ATP11C: variants seen among roughly 807,000 people sequenced by gnomAD.
The protein encoded by ATP11C is ATPase phospholipid transporting 11C (ATP11C blood group).
In ATP11C, 36 loss-of-function variants were observed where a neutral mutation model predicts 97.4. The observed-to-expected ratio is 0.37, with a 90% CI of 0.28 to 0.49. The LOEUF is 0.49. Among genes scored for constraint, ATP11C ranks in the 20% least tolerant of loss-of-function variants. The pLI, the probability that ATP11C is intolerant of heterozygous loss-of-function variation, is 0.98. For synonymous variants in ATP11C, 275 were observed against 290.9 expected (o/e 0.95, Z 0.56); for missense variants, 730 against 824.6 (o/e 0.89, Z 1.40).
rs181369776 is a variant in ATP11C, at chrX:139,758,506, G to A, written c.2641-639C>T. ...TGAGCATTAGGGCCCGAGGTCTCTG[G>A]TGCCAAAAAGGTTGGGGACCACTGT... On this transcript the variant is annotated intron_variant, in intron 22 of 29. Coordinates refer to ENST00000682941, the MANE Select transcript of ATP11C (RefSeq NM_001353812.2). Among the ~76,000 whole-genome samples the A allele has an allele frequency of 2.7e-5, 3 of 111,494 alleles. No homozygotes were observed. The East Asian group carries it at 8.5e-4, about 32-fold the overall frequency.
At chrX:139,827,666 T>G (rs1041870399) in intron 1 of ATP11C, among the ~76,000 whole-genome samples, 1 of 111,681 alleles carries the variant, frequency 9.0e-6, no homozygotes, top group African/African-American at 3.3e-5. Context: ...AAAGGATGCA[T>G]GACAGAAACA....
intron 1 of ATP11C, among the ~76,000 whole-genome samples, chrX:139,900,333 C>T (rs1442404209): frequency 1.1e-5 from 1 of 93,627 alleles, no homozygotes; most frequent in African/African-American, 4.1e-5. Flanking sequence ...CTTGCCACTG[C>T]ACTCCAGCCT....
intron 1 of ATP11C, among the ~76,000 whole-genome samples, chrX:139,867,586 G>A (rs138669562): frequency 2.0e-3 from 219 of 112,067 alleles, no homozygotes; most frequent in African/African-American, 6.9e-3. Context: ...ACAGGCAAGT[G>A]TGAGGAAAAA....
chrX:139,749,350 A>G (rs1056418239), intron 24 of ATP11C, among the ~76,000 whole-genome samples: 5 of 111,982 alleles, frequency 4.5e-5, no homozygotes, highest in Non-Finnish European at 5.6e-5. Context: ...AAACCTCTCT[A>G]TTGCACTTGC....
At chrX:139,822,284 C>A (rs2083427365) in intron 2 of ATP11C, among the ~76,000 whole-genome samples, 1 of 112,624 alleles carries the variant, frequency 8.9e-6, no homozygotes, top group African/African-American at 3.2e-5. Flanking sequence ...GCAGCCTCTG[C>A]CTCCCAGGCT....
At chrX:139,895,005 G>A (rs374672850) in intron 1 of ATP11C, among the ~76,000 whole-genome samples, 4 of 111,789 alleles carry the variant, frequency 3.6e-5, no homozygotes, top group South Asian at 3.7e-4. Flanking sequence ...GCAGTGAGCC[G>A]AGATCATGCC....
Position 139,932,100 on chromosome X carries a change from C to T in ATP11C, c.-58G>A, listed in dbSNP as rs1367440044. The T allele has an allele frequency of 1.4e-4, 157 of 1,095,583 alleles. No homozygotes were observed. In the Middle Eastern group the frequency reaches 2.0e-3, roughly 14 times the overall value. The allele number at this position is 1,095,583 out of a possible 1,213,427, so 90.3% of individuals were successfully genotyped here. On this transcript the variant is annotated 5_prime_UTR_variant, in exon 1 of 30. Transcript: ENST00000682941. ...TCTACCGGGCTGTCTGGGAAGGCGCCGTCCACAAAACACACTGCGGCGTGG... is the reference window on the plus strand; with the variant it reads ...TCTACCGGGCTGTCTGGGAAGGCGCTGTCCACAAAACACACTGCGGCGTGG...
chrX:139,806,113 G>A (rs2083036874), intron 5 of ATP11C, among the ~76,000 whole-genome samples: 1 of 111,558 alleles, frequency 9.0e-6, no homozygotes, highest in Non-Finnish European at 1.9e-5. Context: ...TCAACAGTTA[G>A]GATGTAGTCA....
In ATP11C at chrX:139,816,955, A is replaced by G. The variant is rs1417504310; in HGVS notation, c.238-12T>C. The G allele has an allele frequency of 1.8e-6, 2 of 1,128,337 alleles. No individual in the cohort carries two copies. The allele number at this position is 1,128,337 out of a possible 1,213,427, so 93.0% of individuals were successfully genotyped here. On this transcript the variant is annotated splice_polypyrimidine_tract_variant and intron_variant, in intron 3 of 29. Transcript: ENST00000682941. ...GTGTCTACTGTGACCTAGGTAAATA[A>G]AATTAAATTGAAAGTAAAATGAAAA...
chrX:139,800,011 A>T, intron 8 of ATP11C, 49 bp downstream of exon 8: 1 of 434,541 alleles, frequency 2.3e-6, no homozygotes, highest in Non-Finnish European at 4.1e-6. Flanking sequence ...ACAGAAAAAT[A>T]GACCCCCCCC....
At chrX:139,891,195 G>T (rs1384804858) in intron 1 of ATP11C, among the ~76,000 whole-genome samples, 1 of 66,974 alleles carries the variant, frequency 1.5e-5, no homozygotes, top group Non-Finnish European at 2.9e-5. Context: ...TCAGAGATTG[G>T]CCAAAAAAAA....
chrX:139,821,891 T>C (rs748055753), intron 2 of ATP11C, among the ~76,000 whole-genome samples: 38 of 112,753 alleles, frequency 3.4e-4, no homozygotes, highest in Non-Finnish European at 6.2e-4. Flanking sequence ...TTTTTTAGTA[T>C]AATACAAATG....
intron 1 of ATP11C, among the ~76,000 whole-genome samples, chrX:139,912,308 G>T (rs1210972671): frequency 9.2e-6 from 1 of 109,045 alleles, no homozygotes; most frequent in Non-Finnish European, 1.9e-5. Context: ...CTATAAAATA[G>T]AATGATTATT....
chrX:139,869,391 C>T (rs1016894201), intron 1 of ATP11C, among the ~76,000 whole-genome samples: 3 of 110,944 alleles, frequency 2.7e-5, no homozygotes, highest in Non-Finnish European at 5.7e-5. Context: ...AATATTATAG[C>T]ATTTGTACCC....
intron 1 of ATP11C, among the ~76,000 whole-genome samples, chrX:139,854,609 A>C (rs2084060422): frequency 8.9e-6 from 1 of 112,428 alleles, no homozygotes; most frequent in Non-Finnish European, 1.9e-5. Context: ...GAAAGAAAAA[A>C]AAAGTGTCTT....
intron 1 of ATP11C, among the ~76,000 whole-genome samples, chrX:139,884,273 T>C (rs1347039325): frequency 9.0e-6 from 1 of 111,444 alleles, no homozygotes; most frequent in Non-Finnish European, 1.9e-5. Flanking sequence ...GGGCCCTGCT[T>C]GTAAGACCCA....
At chrX:139,739,952 AC>A (rs796253081) in intron 27 of ATP11C, among the ~76,000 whole-genome samples, 1 of 112,039 alleles carries the variant, frequency 8.9e-6, no homozygotes, top group South Asian at 3.7e-4. Flanking sequence ...TAAAGCTGGT[AC>A]TTCCTTAAAT....
At chrX:139,824,602 GCGTGA>G (rs1422702829) in intron 2 of ATP11C, among the ~76,000 whole-genome samples, 2 of 111,294 alleles carry the variant, frequency 1.8e-5, no homozygotes, top group African/African-American at 6.5e-5. Flanking sequence ...CAGGAGAATG[GCGTGA>G]ACCCAGGAGG....
At chrX:139,777,334 C>T (rs1353409133) in intron 18 of ATP11C, among the ~76,000 whole-genome samples, 1 of 109,020 alleles carries the variant, frequency 9.2e-6, no homozygotes. Flanking sequence ...TAAAACAAAC[C>T]AATTAGAACA....
Sources: gnomAD v4.1 joint callset for allele counts (sites outside exome capture counted in the v4.1 genomes callset) on GRCh38, gnomAD v4.1.1 for gene constraint, MANE v1.5 for transcripts, NCBI Gene and HGNC (gene_info 2026-07-23, HGNC 2026-07-21) for gene names.